Variants in CPLANE2 observed in about 807,000 individuals in gnomAD.
CPLANE2 encodes ciliogenesis and planar polarity effector 2.
A neutral mutation model predicts 20.9 loss-of-function variants in CPLANE2; 24 were observed. The ratio of observed to expected loss-of-function variants is 1.15; its 90% CI spans 0.83 to 1.61. CPLANE2 has a LOEUF of 1.61. Among genes scored for constraint, CPLANE2 ranks in the 40% most tolerant of loss-of-function variants. CPLANE2 has a pLI of 0.00. For missense variants in CPLANE2, 330 were observed against 355.1 expected (o/e 0.93, Z 0.57); for synonymous variants, 132 against 144.3 (o/e 0.92, Z 0.61).
chr1:16,232,594 C>A lies in CPLANE2; in HGVS notation c.443G>T (p.Arg148Leu). The stretch of plus-strand genomic sequence containing the variant: ...TCCAGGGAGGTCTTCAAAGGAGGCA[C>A]GGTCAGTGAAGGAGAAGAGGAAGAG... ...AFLFLFSFTD[R>L]ASFEDLPGQL... The change falls in exon 4 of 5, where the codon CGT becomes CTT. Residue 148 changes from arginine (R) to leucine (L), a missense_variant. By Grantham distance (102) the Arg-to-Leu change is moderately radical (BLOSUM62 -2). Transcript: ENST00000375599. 1 of 1,614,082 alleles carries A rather than the reference C, an allele frequency of 6.2e-7. No individual in the cohort carries two copies. The highest frequency in any genetic ancestry group is 8.5e-7 in the Non-Finnish European group (1 of 1,180,016).
At position 16,233,646 on chromosome 1, in the gene CPLANE2, G is replaced by T. The variant is rs761497384; in HGVS notation, c.231C>A (p.Gly77=). ...GKTALVAKLA[G]LEVPVVHHET... is the part of the protein sequence containing the mutation. ...CGTGGTGCACCACAGGCACCTCCAGGCCAGCCAGCTTGGCCACCAGCGCCG... is the reference window on the plus strand; with the variant it reads ...CGTGGTGCACCACAGGCACCTCCAGTCCAGCCAGCTTGGCCACCAGCGCCG... The change falls in exon 2 of 5, where the codon GGC becomes GGA. Residue 77 remains glycine (G), a synonymous_variant. Transcript: ENST00000375599. The T allele has an allele frequency of 6.8e-6, 11 of 1,614,158 alleles. No individual in the cohort carries two copies. In the South Asian group the frequency reaches 1.2e-4, roughly 18 times the overall value.
rs908944409 is a variant in CPLANE2, at chr1:16,232,976, C to G, written c.307G>C (p.Ala103Pro). ...TVVFWPAKLQ[A>P]SSRVVMFRFE... ...CGAAACATGACGACACGGCTGCTGGCCTGCAGCTTGGCTGGCCAAAATACC... is the reference window on the plus strand; with the variant it reads ...CGAAACATGACGACACGGCTGCTGGGCTGCAGCTTGGCTGGCCAAAATACC... Residue 103 changes from alanine (A) to proline (P), a missense_variant, in exon 3 of 5, where the codon GCC (alanine) becomes CCC (proline). By Grantham distance (27) the Ala-to-Pro change is conservative. Transcript: ENST00000375599. 1.2e-6 allele frequency: 2 copies of G among 1,614,090 alleles called. No homozygotes were observed. The highest frequency in any genetic ancestry group is 1.3e-5 in the African/African-American group (1 of 74,938).
rs1043614471 is a variant in CPLANE2, at chr1:16,232,245, G to A, written c.580C>T (p.Arg194Trp). The A allele has an allele frequency of 5.0e-6, 8 of 1,611,322 alleles. No homozygotes were observed. Among genetic ancestry groups the A allele is most frequent in the Non-Finnish European group, 5.9e-6 (7 of 1,179,714 alleles). The stretch of plus-strand genomic sequence containing the variant: ...AGCAGGGGCAGCTCCCAGGCCTGCC[G>A]GAAGGCTGTGAGGTCCCGCTCGGGC... ...DVPERDLTAF[R>W]QAWELPLLRV... The change falls in exon 5 of 5, where the codon CGG becomes TGG. Residue 194 changes from arginine (R) to tryptophan (W), a missense_variant. Arg to Trp is a moderately radical substitution (Grantham distance 101, BLOSUM62 -3). Coordinates refer to ENST00000375599, the MANE Select transcript of CPLANE2 (RefSeq NM_030907.4).
rs2081468547 is a variant in CPLANE2, at chr1:16,236,759, G to A, written c.-17C>T. On this transcript the variant is annotated 5_prime_UTR_variant, in exon 1 of 5. Coordinates refer to ENST00000375599, the MANE Select transcript of CPLANE2 (RefSeq NM_030907.4). ...TCTGGCCATGGCTGGGCACCGCGACGGGGTAGGGAGGTGACAGAATGCTGA... is the reference window on the plus strand; with the variant it reads ...TCTGGCCATGGCTGGGCACCGCGACAGGGTAGGGAGGTGACAGAATGCTGA... 1.3e-6 allele frequency: 2 copies of A among 1,523,008 alleles called. No individual in the cohort carries two copies. The highest frequency in any genetic ancestry group is 2.4e-5 in the East Asian group (1 of 40,880). The allele number at this position is 1,523,008 out of a possible 1,614,324, so 94.3% of individuals were successfully genotyped here.
At chr1:16,236,368 C>A (rs1330486769) in intron 1 of CPLANE2, among the ~76,000 whole-genome samples, 1 of 152,270 alleles carries the variant, frequency 6.6e-6, no homozygotes, top group Non-Finnish European at 1.5e-5. Context: ...CAATCAACTG[C>A]ATCTCTGGTG....
At chr1:16,233,139 G>A in intron 2 of CPLANE2, 122 bp from the exon 3 acceptor site, 1 of 1,086,556 alleles carries the variant, frequency 9.2e-7, no homozygotes, top group Non-Finnish European at 1.3e-6. Flanking sequence ...AGTTTGATGA[G>A]GGAGGCACAG....
Position 16,232,594 on chromosome 1 carries a change from C to T in CPLANE2, c.443G>A (p.Arg148His), listed in dbSNP as rs751609370. 29 of 1,613,964 alleles carry T rather than the reference C, an allele frequency of 1.8e-5. No homozygotes were observed. Among genetic ancestry groups the T allele is most frequent in the Non-Finnish European group, 2.2e-5 (26 of 1,180,024 alleles). ...TCCAGGGAGGTCTTCAAAGGAGGCA[C>T]GGTCAGTGAAGGAGAAGAGGAAGAG... is the stretch of plus-strand genomic sequence containing the variant. Reference protein sequence around the residue: ...AFLFLFSFTDRASFEDLPGQL... With the variant: ...AFLFLFSFTDHASFEDLPGQL... Residue 148 changes from arginine to histidine, a missense_variant, in exon 4 of 5, where the codon CGT becomes CAT. Coordinates refer to ENST00000375599, the MANE Select transcript of CPLANE2 (RefSeq NM_030907.4).
intron 1 of CPLANE2, 122 bp from the exon 2 acceptor site, chr1:16,233,886 A>G (rs2081444564): frequency 9.6e-7 from 1 of 1,037,428 alleles, no homozygotes; most frequent in Admixed American, 2.4e-5. Context: ...GGCCTAACAC[A>G]AGGTGATCAG....
intron 1 of CPLANE2, among the ~76,000 whole-genome samples, chr1:16,234,532 AC>A (rs111365468): frequency 1.3e-5 from 2 of 151,866 alleles, no homozygotes; most frequent in Non-Finnish European, 2.9e-5. Context: ...ATTTATTTTT[AC>A]TTTTTTTCTT....
At chr1:16,235,019 C>T (rs921040411) in intron 1 of CPLANE2, among the ~76,000 whole-genome samples, 2 of 152,198 alleles carry the variant, frequency 1.3e-5, no homozygotes, top group Admixed American at 6.5e-5. Flanking sequence ...CCACCGTGCC[C>T]GGCCTCATCT....
At chr1:16,233,380 C>T (rs2081439691) in intron 2 of CPLANE2, among the ~76,000 whole-genome samples, 2 of 152,206 alleles carry the variant, frequency 1.3e-5, no homozygotes, top group South Asian at 4.1e-4. Flanking sequence ...TGAGCATTTA[C>T]CTTGAGCGTA....
In CPLANE2 at chr1:16,232,902, A is replaced by G. The variant is rs774699205; in HGVS notation, c.381T>C (p.His127=). 32 of 1,614,044 alleles carry G rather than the reference A, an allele frequency of 2.0e-5. No individual in the cohort carries two copies. Among genetic ancestry groups the G allele is most frequent in the Admixed American group, 6.7e-5 (4 of 59,994 alleles). ...CGESALKKFD[H]MLLACMENTD... is the part of the protein sequence containing the mutation. Reference sequence around the variant, plus strand: ...CCACATGCCTGCTCACCAGCAGCATATGATCGAACTTTTTGAGTGCAGACT... The same window carrying G: ...CCACATGCCTGCTCACCAGCAGCATGTGATCGAACTTTTTGAGTGCAGACT... The change falls in exon 3 of 5, where the codon CAT becomes CAC. Residue 127 remains histidine (H), a synonymous_variant. Coordinates refer to ENST00000375599, the MANE Select transcript of CPLANE2 (RefSeq NM_030907.4).
In CPLANE2 at chr1:16,236,643, G is replaced by A. The variant is rs752040734; in HGVS notation, c.100C>T (p.Arg34Trp). The A allele has an allele frequency of 5.1e-6, 8 of 1,555,868 alleles. No homozygotes were observed. The highest frequency in any genetic ancestry group is 4.1e-5 in the African/African-American group (3 of 73,482). ...YLACILRKNRRRVFGLLERPV... is the reference protein window; with the variant it reads ...YLACILRKNRWRVFGLLERPV... ...GGGAGGCACTTACCAAACACCCGCCGGCGGTTCTTGCGCAGAATGCAAGCC... is the reference window on the plus strand; with the variant it reads ...GGGAGGCACTTACCAAACACCCGCCAGCGGTTCTTGCGCAGAATGCAAGCC... The change falls in exon 1 of 5, where the codon CGG (arginine) becomes TGG (tryptophan). Residue 34 changes from arginine to tryptophan, a missense_variant. Physicochemically the swap from Arg to Trp is moderately radical, Grantham distance 101. Transcript: ENST00000375599.
In CPLANE2 at chr1:16,233,720, T is replaced by G; in HGVS notation, c.157A>C (p.Thr53Pro). 1 of 1,614,142 alleles carries G rather than the reference T, an allele frequency of 6.2e-7. No homozygotes were observed. The highest frequency in any genetic ancestry group is 1.1e-5 in the South Asian group (1 of 91,084). The change falls in exon 2 of 5, where the codon ACT becomes CCT. Residue 53 changes from threonine to proline, a missense_variant. Physicochemically the swap from Thr to Pro is conservative, Grantham distance 38. Coordinates refer to ENST00000375599, the MANE Select transcript of CPLANE2 (RefSeq NM_030907.4). ...PVLLPPVSID[T>P]ASYKIFVSGK... ...GACACAAAGATCTTGTAGCTGGCAG[T>G]GTCAATGGACACAGGCGGCAGCAGC...
In CPLANE2 at chr1:16,236,988, C is replaced by G. The variant is rs1248076760; in HGVS notation, c.-246G>C. The G allele has an allele frequency of 6.7e-6, 3 of 448,260 alleles. No homozygotes were observed. The highest frequency in any genetic ancestry group is 5.9e-5 in the African/African-American group (3 of 50,484). 27.8% of individuals were successfully genotyped at this position (448,260 alleles called of 1,614,324 possible). A position where few individuals can be genotyped will look rare whatever the true frequency, so the allele number is the denominator to read the frequency against. On this transcript the variant is annotated 5_prime_UTR_variant, in exon 1 of 5. Transcript: ENST00000375599. ...CTCTCCCCTTGTCACCTCCGGGGGT[C>G]AGACAGCCCCGCTTCTCCTCTACCT...
rs149140682 is a variant in CPLANE2, at chr1:16,232,549, C to A, written c.488G>T (p.Gly163Val). Residue 163 changes from glycine to valine, a missense_variant, in exon 4 of 5, where the codon GGT (glycine) becomes GTT (valine). Coordinates refer to ENST00000375599, the MANE Select transcript of CPLANE2 (RefSeq NM_030907.4). Reference protein sequence around the residue: ...DLPGQLARIAGEAPGVVRMVI... With the variant: ...DLPGQLARIAVEAPGVVRMVI... ...CATCCTGACGACACCAGGGGCCTCA[C>A]CTGCTATGCGGGCCAGCTGTCCAGG... 6,230 of 1,614,156 alleles carry A rather than the reference C, an allele frequency of 3.9e-3. 12 individuals carry two copies. Among genetic ancestry groups the A allele is most frequent in the Non-Finnish European group, 4.5e-3 (5,314 of 1,180,012 alleles).
rs1273215706 is a variant in CPLANE2 at position 16,236,785 on chromosome 1, G to A, written c.-43C>T. ...GGGTAGGGAGGTGACAGAATGCTGA[G>A]AGCAGGGAGTGGGAAGGGGAGTGAC... On this transcript the variant is annotated 5_prime_UTR_variant, in exon 1 of 5. Transcript: ENST00000375599. The A allele has an allele frequency of 1.3e-5, 18 of 1,407,606 alleles. No homozygotes were observed. Among genetic ancestry groups the A allele is most frequent in the African/African-American group, 4.3e-5 (3 of 70,226 alleles). 87.2% of individuals were successfully genotyped at this position (1,407,606 alleles called of 1,614,324 possible). A position where few individuals can be genotyped will look rare whatever the true frequency, so the allele number is the denominator to read the frequency against.
At position 16,232,002 on chromosome 1, in the gene CPLANE2, C is replaced by T. The variant is rs370375688; in HGVS notation, c.*46G>A. On this transcript the variant is annotated 3_prime_UTR_variant, in exon 5 of 5. Transcript: ENST00000375599. ...CCTGCCCCAGCCTCCAGCCCTATGT[C>T]GAGACCTGAGGGTTGGGGGTGGGAT... 2.3e-5 allele frequency: 36 copies of T among 1,585,944 alleles called. No individual in the cohort carries two copies. In the African/African-American group the frequency reaches 2.7e-4, roughly 12 times the overall value.
At chr1:16,233,239 G>C (rs1484671857) in intron 2 of CPLANE2, among the ~76,000 whole-genome samples, 1 of 152,218 alleles carries the variant, frequency 6.6e-6, no homozygotes, top group Non-Finnish European at 1.5e-5. Flanking sequence ...TGCAGCCCTA[G>C]CTATGGCAAA....
Sources: allele counts gnomAD v4.1 joint callset (sites outside exome capture counted in the v4.1 genomes callset), GRCh38; gene constraint gnomAD v4.1.1; transcripts MANE v1.5; gene names NCBI Gene and HGNC (gene_info 2026-07-23, HGNC 2026-07-21).